Variants in IFT25 observed in about 807,000 individuals in gnomAD.
IFT25 encodes intraflagellar transport protein 25 homolog.
chr1:53,916,242 A>C, the IFT25 span, among the ~76,000 whole-genome samples: 1 of 152,118 alleles, frequency 6.6e-6, no homozygotes, highest in Non-Finnish European at 1.5e-5. Flanking sequence ...CAAAGCAAAA[A>C]GGTAAAGCTA....
chr1:53,940,086 A>G, the IFT25 span: 1 of 1,546,294 alleles, frequency 6.5e-7, no homozygotes, highest in East Asian at 2.3e-5. Flanking sequence ...TTCTCATCTT[A>G]AAGTGTTTAA....
the IFT25 span, among the ~76,000 whole-genome samples, chr1:53,927,850 C>G: frequency 2.0e-5 from 3 of 152,212 alleles, no homozygotes; most frequent in Admixed American, 6.5e-5. Flanking sequence ...ATACACTGAT[C>G]TCTCACATTT....
At chr1:53,916,254 A>C in the IFT25 span, among the ~76,000 whole-genome samples, 2 of 152,176 alleles carry the variant, frequency 1.3e-5, no homozygotes, top group African/African-American at 4.8e-5. Flanking sequence ...GTAAAGCTAC[A>C]TATCATATCT....
the IFT25 span, among the ~76,000 whole-genome samples, chr1:53,920,018 C>T: frequency 6.6e-6 from 1 of 152,074 alleles, no homozygotes; most frequent in Non-Finnish European, 1.5e-5. Flanking sequence ...AGGCTGGTCT[C>T]GAACTTCTGA....
the IFT25 span, among the ~76,000 whole-genome samples, chr1:53,912,330 A>T: frequency 3.9e-5 from 6 of 152,330 alleles, no homozygotes; most frequent in East Asian, 1.2e-3. Context: ...CTTCAACTTA[A>T]TGCATCAAAC....
the IFT25 span, chr1:53,945,924 C>T: frequency 7.1e-6 from 1 of 140,694 alleles, no homozygotes; most frequent in Non-Finnish European, 1.5e-5. Flanking sequence ...GCGCTCGCTC[C>T]TACCCCGAGC....
chr1:53,945,507 G>A, the IFT25 span: 1 of 152,712 alleles, frequency 6.5e-6, no homozygotes, highest in Non-Finnish European at 1.5e-5. Context: ...GCCCGGCCAG[G>A]CCCCCATACC....
the IFT25 span, among the ~76,000 whole-genome samples, chr1:53,924,714 G>A: frequency 6.6e-6 from 1 of 152,158 alleles, no homozygotes; most frequent in African/African-American, 2.4e-5. Flanking sequence ...GCAGGCGTCA[G>A]TAGTCCCAGC....
At chr1:53,922,540 A>G in the IFT25 span, among the ~76,000 whole-genome samples, 1 of 152,200 alleles carries the variant, frequency 6.6e-6, no homozygotes, top group African/African-American at 2.4e-5. Context: ...ATTAGCCAAT[A>G]TATTTTAAAA....
the IFT25 span, among the ~76,000 whole-genome samples, chr1:53,941,051 A>G: frequency 3.3e-5 from 5 of 151,832 alleles, no homozygotes; most frequent in African/African-American, 1.2e-4. Flanking sequence ...CTGGAGTGCA[A>G]TGGGGCGATC....
the IFT25 span, among the ~76,000 whole-genome samples, chr1:53,913,476 C>T: frequency 3.3e-5 from 5 of 152,302 alleles, no homozygotes; most frequent in Admixed American, 6.5e-5. Context: ...GGCTTGTTAT[C>T]TGCTGAAACA....
chr1:53,943,275 A>G, the IFT25 span, among the ~76,000 whole-genome samples: 479 of 152,328 alleles, frequency 3.1e-3, 5 homozygotes, highest in African/African-American at 0.011. Context: ...AGCCAAAGAA[A>G]GGATTCCTGC....
chr1:53,915,563 A>C, the IFT25 span, among the ~76,000 whole-genome samples: 4 of 152,254 alleles, frequency 2.6e-5, no homozygotes, highest in Non-Finnish European at 5.9e-5. Flanking sequence ...TCAGGTCCCT[A>C]ACCTAAGAAA....
the IFT25 span, among the ~76,000 whole-genome samples, chr1:53,930,660 G>T: frequency 6.6e-6 from 1 of 151,502 alleles, no homozygotes; most frequent in East Asian, 1.9e-4. Flanking sequence ...TCCCTCTTTT[G>T]CACTTATCTC....
At chr1:53,925,664 C>CA in the IFT25 span, among the ~76,000 whole-genome samples, 346 of 81,254 alleles carry the variant, frequency 4.3e-3, no homozygotes, top group African/African-American at 9.8e-3. Context: ...GACTCAGTCT[C>CA]AAAAAAAAAA....
At chr1:53,936,788 C>A in the IFT25 span, among the ~76,000 whole-genome samples, 28 of 150,582 alleles carry the variant, frequency 1.9e-4, no homozygotes, top group Admixed American at 3.3e-4. Flanking sequence ...TTTTTTTTTT[C>A]CTAGTGTAGA....
chr1:53,911,881 GAA>G, the IFT25 span, among the ~76,000 whole-genome samples: 1 of 152,140 alleles, frequency 6.6e-6, no homozygotes, highest in African/African-American at 2.4e-5. Context: ...CTGACTTGGA[GAA>G]AGTGTCATGA....
chr1:53,943,659 T>A, the IFT25 span, among the ~76,000 whole-genome samples: 8 of 152,070 alleles, frequency 5.3e-5, no homozygotes, highest in Non-Finnish European at 1.5e-5. Context: ...GTCTGGGCTC[T>A]ATGGCCCAGG....
At chr1:53,913,116 C>G in the IFT25 span, among the ~76,000 whole-genome samples, 1 of 152,194 alleles carries the variant, frequency 6.6e-6, no homozygotes, top group Non-Finnish European at 1.5e-5. Flanking sequence ...CCAGAAATAC[C>G]TGTGAAATTA....
Sources: gnomAD v4.1 joint callset for allele counts (sites outside exome capture counted in the v4.1 genomes callset) on GRCh38, gnomAD v4.1.1 for gene constraint, MANE v1.5 for transcripts, NCBI Gene and HGNC (gene_info 2026-07-23, HGNC 2026-07-21) for gene names.